The following PAX8 variants were observed in gnomAD, a reference collection of about 807,000 sequenced individuals.
The protein encoded by PAX8 is paired box protein Pax-8.
PAX8 carries 15 observed loss-of-function variants against 52.4 expected under a neutral mutation model. The observed-to-expected ratio is 0.29, with a 90% CI of 0.19 to 0.44. PAX8 has a LOEUF of 0.44. Ranked by LOEUF, PAX8 falls within the 20% of genes least tolerant of loss-of-function variation. The probability of loss-of-function intolerance (pLI) is 1.00; values close to 1 mark genes in which losing one functional copy is unlikely to be tolerated. For missense variants in PAX8, 554 were observed against 602.5 expected, an observed-to-expected ratio of 0.92 and a Z score of 0.84; for synonymous variants, 284 against 249.7, an observed-to-expected ratio of 1.14 and a Z score of -1.29.
chr2:113,277,036 G>A (rs1190462066), intron 2 of PAX8, among the ~76,000 whole-genome samples: 1 of 152,186 alleles, frequency 6.6e-6, no homozygotes, highest in African/African-American at 2.4e-5. Flanking sequence ...GTTCCAGGAC[G>A]CGGACCGTAA....
chr2:113,248,805 AAAAAAAAAAAAC>A (rs1691530397), intron 2 of PAX8, among the ~76,000 whole-genome samples: 1 of 144,552 alleles, frequency 6.9e-6, no homozygotes, highest in African/African-American at 2.5e-5. Context: ...CTAAAAGTAC[AAAAAAAAAAAAC>A]TAGCTGGGCA....
At chr2:113,238,646 C>T (rs1690563310) in intron 7 of PAX8, 2 of 152,158 alleles carry the variant, frequency 1.3e-5, no homozygotes, top group African/African-American at 4.8e-5. Context: ...CACAATGCTT[C>T]AGAACTTCAG....
intron 2 of PAX8, chr2:113,275,693 A>G (rs1693752134): frequency 6.6e-6 from 1 of 152,176 alleles, no homozygotes; most frequent in South Asian, 2.1e-4. Flanking sequence ...TTTTATATAT[A>G]TGGGGCATTT....
intron 2 of PAX8, among the ~76,000 whole-genome samples, chr2:113,260,136 G>C (rs1409820120): frequency 1.3e-5 from 2 of 152,188 alleles, no homozygotes; most frequent in Admixed American, 1.3e-4. Flanking sequence ...CTGTGTGTAT[G>C]TGGGGTGATG....
chr2:113,274,996 T>A (rs1195945910), intron 2 of PAX8: 1 of 152,202 alleles, frequency 6.6e-6, no homozygotes, highest in Non-Finnish European at 1.5e-5. Flanking sequence ...TAAACCAAAG[T>A]GTCCCTTAGT....
intron 2 of PAX8, chr2:113,276,539 A>G (rs1255704513): frequency 6.6e-6 from 1 of 152,108 alleles, no homozygotes; most frequent in Non-Finnish European, 1.5e-5. Flanking sequence ...CGCGCATCTC[A>G]TCATCTGGGA....
chr2:113,269,187 G>A (rs914706734), intron 2 of PAX8: 5 of 152,238 alleles, frequency 3.3e-5, no homozygotes, highest in Admixed American at 6.5e-5. Flanking sequence ...GTATCTCCAT[G>A]GCACTTCTAC....
At chr2:113,256,705 G>C (rs1214489933) in intron 2 of PAX8, among the ~76,000 whole-genome samples, 1 of 151,682 alleles carries the variant, frequency 6.6e-6, no homozygotes, top group Non-Finnish European at 1.5e-5. Context: ...TTTCAAATCT[G>C]TCCTCTTGCC....
chr2:113,217,775 T>C lies in PAX8; in HGVS notation c.*758A>G, dbSNP rs994640398. ...CCAGGGGCCCAGGCCCTGTGGAATGTCTGTTTTAAGCTCCCTGGGGCTGGC... is the reference window on the plus strand; with the variant it reads ...CCAGGGGCCCAGGCCCTGTGGAATGCCTGTTTTAAGCTCCCTGGGGCTGGC... On this transcript the variant is annotated 3_prime_UTR_variant, in exon 12 of 12. Transcript: ENST00000429538. 1 of 233,074 alleles carries C rather than the reference T, an allele frequency of 4.3e-6. No homozygotes were observed. Among genetic ancestry groups the C allele is most frequent in the Non-Finnish European group, 8.5e-6 (1 of 118,082 alleles). 14.4% of individuals were successfully genotyped at this position (233,074 alleles called of 1,614,324 possible). A position where few individuals can be genotyped will look rare whatever the true frequency, so the allele number is the denominator to read the frequency against.
chr2:113,251,165 C>CT, intron 2 of PAX8, among the ~76,000 whole-genome samples: 1 of 152,182 alleles, frequency 6.6e-6, no homozygotes, highest in East Asian at 1.9e-4. Context: ...AGACCTTTGT[C>CT]TTTCCTGTGT....
chr2:113,240,732 C>T (rs1389890870), intron 7 of PAX8: 1 of 152,618 alleles, frequency 6.6e-6, no homozygotes, highest in East Asian at 1.9e-4. Flanking sequence ...TTTCTCAACT[C>T]ATTCATTTGT....
At chr2:113,252,021 G>C (rs1691810865) in intron 2 of PAX8, among the ~76,000 whole-genome samples, 3 of 152,314 alleles carry the variant, frequency 2.0e-5, no homozygotes, top group Non-Finnish European at 4.4e-5. Context: ...GATTCTGCAT[G>C]GTGGGACCCC....
intron 2 of PAX8, among the ~76,000 whole-genome samples, chr2:113,262,026 C>T (rs777241988): frequency 2.6e-5 from 4 of 152,140 alleles, no homozygotes; most frequent in Middle Eastern, 3.4e-3. Flanking sequence ...GACAGGGTTT[C>T]GTCATGTTGG....
At chr2:113,277,347 G>T (rs1003422538) in intron 2 of PAX8, among the ~76,000 whole-genome samples, 5 of 152,242 alleles carry the variant, frequency 3.3e-5, no homozygotes, top group Non-Finnish European at 7.3e-5. Context: ...CCCGCAGTGC[G>T]CTTGGCTAAA....
At chr2:113,263,675 A>T (rs955276086) in intron 2 of PAX8, among the ~76,000 whole-genome samples, 2 of 152,166 alleles carry the variant, frequency 1.3e-5, no homozygotes, top group African/African-American at 4.8e-5. Context: ...CCATAGCCAG[A>T]TGGGAGATCT....
chr2:113,242,294 G>A (rs1690924357), intron 5 of PAX8, among the ~76,000 whole-genome samples, 164 bp from the exon 6 acceptor site: 1 of 151,912 alleles, frequency 6.6e-6, no homozygotes, highest in African/African-American at 2.4e-5. Context: ...GACTCTGGGG[G>A]GACTGCGGTG....
At chr2:113,232,280 AGCTGCTTTCTG>A in intron 9 of PAX8, among the ~76,000 whole-genome samples, 1 of 152,122 alleles carries the variant, frequency 6.6e-6, no homozygotes, top group Non-Finnish European at 1.5e-5. Flanking sequence ...CTTGTGCCTG[AGCTGCTTTCTG>A]ACTTGCTTCC....
At chr2:113,229,290 AC>A (rs988345257) in intron 9 of PAX8, among the ~76,000 whole-genome samples, 1 of 152,180 alleles carries the variant, frequency 6.6e-6, no homozygotes, top group Non-Finnish European at 1.5e-5. Flanking sequence ...GGAAAAAAAA[AC>A]ATAGCTGTAG....
chr2:113,267,781 C>T (rs1693185393), intron 2 of PAX8: 1 of 152,240 alleles, frequency 6.6e-6, no homozygotes, highest in East Asian at 1.9e-4. Flanking sequence ...GGACAGTCTT[C>T]TGCACATACT....
Sources: allele counts gnomAD v4.1 joint callset (sites outside exome capture counted in the v4.1 genomes callset), GRCh38; gene constraint gnomAD v4.1.1; transcripts MANE v1.5; gene names NCBI Gene and HGNC (gene_info 2026-07-23, HGNC 2026-07-21).